MARCHF1: variants seen among roughly 807,000 people sequenced by gnomAD.
MARCHF1 encodes membrane associated ring-CH-type finger 1.
Under a neutral mutation model 54.2 loss-of-function variants are expected in MARCHF1, and 40 were observed. The observed-to-expected ratio is 0.74, with a 90% confidence interval of 0.57 to 0.96. The LOEUF is 0.96. MARCHF1 is among the 40% of genes least tolerant of loss of function. MARCHF1 has a pLI of 0.00. For missense variants in MARCHF1, 586 were observed against 656.5 expected (o/e 0.89, Z 1.17); for synonymous variants, 236 against 236.3 (o/e 1.00, Z 0.01).
At chr4:164,210,333 A>T (rs1731729800) in intron 1 of MARCHF1, among the ~76,000 whole-genome samples, 1 of 152,204 alleles carries the variant, frequency 6.6e-6, no homozygotes, top group African/African-American at 2.4e-5. Context: ...TATATAGAGA[A>T]GATGCAGAAC....
intron 1 of MARCHF1, among the ~76,000 whole-genome samples, chr4:164,293,962 C>A (rs922175090): frequency 6.6e-5 from 10 of 152,190 alleles, no homozygotes; most frequent in Non-Finnish European, 1.5e-4. Context: ...CACCCTTAAT[C>A]TGGGTGGTCA....
At chr4:163,756,363 T>G (rs1442452075) in intron 4 of MARCHF1, among the ~76,000 whole-genome samples, 3 of 151,924 alleles carry the variant, frequency 2.0e-5, no homozygotes, top group Non-Finnish European at 4.4e-5. Flanking sequence ...GCATGGTGGC[T>G]CATGCCTGTA....
At chr4:164,145,231 T>G (rs78222346) in intron 1 of MARCHF1, among the ~76,000 whole-genome samples, 6,907 of 152,140 alleles carry the variant, frequency 0.045, 180 homozygotes, top group Middle Eastern at 0.15. Context: ...ACAGCCGAAT[T>G]TTACCAGAGG....
chr4:164,021,296 A>G (rs1753658414), intron 2 of MARCHF1, among the ~76,000 whole-genome samples: 1 of 152,112 alleles, frequency 6.6e-6, no homozygotes, highest in Non-Finnish European at 1.5e-5. Context: ...TCTCTCTTCC[A>G]GGATTTTATC....
intron 3 of MARCHF1, among the ~76,000 whole-genome samples, chr4:163,921,407 T>G (rs1023731943): frequency 6.6e-6 from 1 of 152,138 alleles, no homozygotes; most frequent in Non-Finnish European, 1.5e-5. Context: ...TCTAGAAGCT[T>G]ATATTCATAT....
chr4:164,258,833 G>T (rs978796423), intron 1 of MARCHF1, among the ~76,000 whole-genome samples: 3 of 151,886 alleles, frequency 2.0e-5, no homozygotes, highest in African/African-American at 7.3e-5. Context: ...TAGAGTCTAA[G>T]GTATGTTTTA....
chr4:163,932,785 T>C, intron 3 of MARCHF1: 1 of 596,554 alleles, frequency 1.7e-6, no homozygotes, highest in Non-Finnish European at 3.3e-6. Flanking sequence ...GAGTCTGAGC[T>C]GAGATCGATC....
intron 1 of MARCHF1, among the ~76,000 whole-genome samples, chr4:164,213,725 T>C (rs1731846987): frequency 6.6e-6 from 1 of 152,062 alleles, no homozygotes; most frequent in Non-Finnish European, 1.5e-5. Flanking sequence ...CATAATAAAT[T>C]ATAATATCTT....
At chr4:163,603,542 T>A (rs1741042066) in intron 7 of MARCHF1, among the ~76,000 whole-genome samples, 1 of 152,124 alleles carries the variant, frequency 6.6e-6, no homozygotes, top group South Asian at 2.1e-4. Flanking sequence ...TCCAGCCTAG[T>A]TAAATTTGAA....
intron 5 of MARCHF1, among the ~76,000 whole-genome samples, chr4:163,686,911 CAAGT>C (rs1336986707): frequency 6.6e-6 from 1 of 152,066 alleles, no homozygotes; most frequent in Non-Finnish European, 1.5e-5. Context: ...GTTCTCAGAA[CAAGT>C]AAGTTTTTGC....
chr4:164,051,758 G>A (rs1754371255), intron 2 of MARCHF1, among the ~76,000 whole-genome samples: 1 of 152,150 alleles, frequency 6.6e-6, no homozygotes, highest in Admixed American at 6.5e-5. Context: ...ATTCTGTTAT[G>A]CATGAAGGAA....
chr4:163,955,360 AAAAC>A (rs1235796530), intron 3 of MARCHF1, among the ~76,000 whole-genome samples: 1 of 151,050 alleles, frequency 6.6e-6, no homozygotes, highest in Non-Finnish European at 1.5e-5. Context: ...AAAAAAAACA[AAAAC>A]AAAGCAAAAA....
chr4:163,941,388 C>T (rs950781415), intron 3 of MARCHF1, among the ~76,000 whole-genome samples: 9 of 152,060 alleles, frequency 5.9e-5, no homozygotes, highest in African/African-American at 2.2e-4. Context: ...ATGGAAAGAA[C>T]ATGAGTAAAC....
chr4:164,195,577 C>A (rs7675631), intron 1 of MARCHF1, among the ~76,000 whole-genome samples: 26,726 of 152,176 alleles, frequency 0.18, 2,989 homozygotes, highest in Non-Finnish European at 0.26. Context: ...TGCCCTCATT[C>A]TAGCTCTATG....
rs551348291 is a variant in MARCHF1, at chr4:164,041,209, A to C, written c.-247-52500T>G. ...AGAATTGCATGGCATGAACGAACAA[A>C]ATATTTTTTATAGGTCAACAAGAAT... On this transcript the variant is annotated intron_variant, in intron 2 of 9. Transcript: ENST00000514618. 1.6e-4 allele frequency among the ~76,000 whole-genome samples: 24 copies of C among 152,238 alleles called. No homozygotes were observed. In the South Asian group the frequency reaches 4.8e-3, roughly 30 times the overall value.
At position 163,526,735 on chromosome 4, in the gene MARCHF1, G is replaced by GTGCTTATAACAAGTTT. The variant is rs1483250881; in HGVS notation, c.*1997_*2012dup. On this transcript the variant is annotated 3_prime_UTR_variant, in exon 10 of 10. Transcript: ENST00000514618. Reference sequence around the variant, plus strand: ...TAGTTACCTCAACTTTGCTTTCCCTGTGCTTATAACAAGTTTTAAGAAAGA... The same window carrying GTGCTTATAACAAGTTT: ...TAGTTACCTCAACTTTGCTTTCCCTGTGCTTATAACAAGTTTTGCTTATAACAAGTTTTAAGAAAGA... The GTGCTTATAACAAGTTT allele has an allele frequency of 1.3e-5, 2 of 151,906 alleles. No individual in the cohort carries two copies. Among genetic ancestry groups the GTGCTTATAACAAGTTT allele is most frequent in the Non-Finnish European group, 2.9e-5 (2 of 67,904 alleles). The allele number at this position is 151,906 out of a possible 1,614,324, so 9.4% of individuals were successfully genotyped here.
intron 4 of MARCHF1, among the ~76,000 whole-genome samples, chr4:163,734,564 G>C (rs899054522): frequency 1.7e-5 from 2 of 119,104 alleles, no homozygotes; most frequent in East Asian, 2.3e-4. Context: ...AGAAAAAAAA[G>C]CTCCTGCTTT....
intron 2 of MARCHF1, among the ~76,000 whole-genome samples, chr4:163,994,026 T>A (rs1441663840): frequency 6.6e-6 from 1 of 152,156 alleles, no homozygotes; most frequent in African/African-American, 2.4e-5. Context: ...TAATCTTTGT[T>A]AATGTTCTCT....
intron 4 of MARCHF1, among the ~76,000 whole-genome samples, chr4:163,771,442 A>T (rs1747158531): frequency 6.6e-6 from 1 of 152,170 alleles, no homozygotes; most frequent in African/African-American, 2.4e-5. Flanking sequence ...ATGGTTCTGG[A>T]GGCTGGAAAG....
Sources: gnomAD v4.1 joint callset for allele counts (sites outside exome capture counted in the v4.1 genomes callset) on GRCh38, gnomAD v4.1.1 for gene constraint, MANE v1.5 for transcripts, NCBI Gene and HGNC (gene_info 2026-07-23, HGNC 2026-07-21) for gene names.